Variants in TTC23 observed in about 807,000 individuals in gnomAD.
The protein encoded by TTC23 is tetratricopeptide repeat protein 23.
Under a neutral mutation model 55.1 loss-of-function variants are expected in TTC23, and 58 were observed. That is an observed-to-expected ratio of 1.05 (90% confidence interval 0.85 to 1.31). The LOEUF (loss-of-function observed/expected upper bound fraction) is 1.31, where lower values mean the gene tolerates loss of function less well. TTC23 is among the 50% of genes most tolerant of loss of function. The pLI is 0.00. For synonymous variants in TTC23, 203 were observed against 199.9 expected (o/e 1.02, Z -0.13); for missense variants, 516 against 534.4 (o/e 0.97, Z 0.34).
intron 4 of TTC23, among the ~76,000 whole-genome samples, chr15:99,232,538 C>T (rs1037988064): frequency 2.6e-5 from 4 of 151,528 alleles, no homozygotes; most frequent in African/African-American, 9.7e-5. Flanking sequence ...ATACAAATGC[C>T]CAATAGGTGT....
chr15:99,201,286 C>T (rs1458393603), intron 8 of TTC23, among the ~76,000 whole-genome samples: 1 of 152,106 alleles, frequency 6.6e-6, no homozygotes, highest in Admixed American at 6.6e-5. Flanking sequence ...TTTCAGCAAA[C>T]ACAGCACATA....
chr15:99,146,909 G>C (rs1251121363), intron 12 of TTC23, among the ~76,000 whole-genome samples: 1 of 152,206 alleles, frequency 6.6e-6, no homozygotes, highest in African/African-American at 2.4e-5. Context: ...GGCAAGGGGG[G>C]CTCCACATTC....
Position 99,218,721 on chromosome 15 carries a change from G to A in TTC23, c.456-8C>T, listed in dbSNP as rs2077666579. 16 of 1,613,640 alleles carry A rather than the reference G, an allele frequency of 9.9e-6. No individual in the cohort carries two copies. Among genetic ancestry groups the A allele is most frequent in the Non-Finnish European group, 1.3e-5 (15 of 1,179,976 alleles). ...TCTGCAGCTTCCTTAAATCTGAATT[G>A]TGTTCAGGAAATTTTCCACTTGGTT... On this transcript the variant is annotated splice_polypyrimidine_tract_variant and splice_region_variant and intron_variant, in intron 7 of 13. Transcript: ENST00000394132.
At chr15:99,144,743 T>G (rs1402521490) in intron 12 of TTC23, 1 of 152,198 alleles carries the variant, frequency 6.6e-6, no homozygotes, top group Non-Finnish European at 1.5e-5. Flanking sequence ...TTACTTGTAT[T>G]TTGTACTTAC....
chr15:99,140,330 A>T (rs2068081031), intron 12 of TTC23: 1 of 152,212 alleles, frequency 6.6e-6, no homozygotes, highest in Non-Finnish European at 1.5e-5. Flanking sequence ...TAAGTGTGAA[A>T]TGCAAAACTT....
chr15:99,203,703 TCTTTTTTTTTTA>T (rs1470768309), intron 8 of TTC23, among the ~76,000 whole-genome samples: 10 of 151,820 alleles, frequency 6.6e-5, no homozygotes, highest in African/African-American at 1.2e-4. Flanking sequence ...TTTTTTTCTT[TCTTTTTTTTTTA>T]AATCTTTTTA....
At chr15:99,227,357 A>C (rs2078538227) in intron 5 of TTC23, among the ~76,000 whole-genome samples, 1 of 152,058 alleles carries the variant, frequency 6.6e-6, no homozygotes, top group Admixed American at 6.5e-5. Context: ...ACTGATTTGC[A>C]TTTCTAAATT....
intron 9 of TTC23, among the ~76,000 whole-genome samples, chr15:99,175,707 G>A (rs1415004426): frequency 6.6e-6 from 1 of 152,228 alleles, no homozygotes; most frequent in Non-Finnish European, 1.5e-5. Context: ...CCACTAAAAT[G>A]TTGTTGCCCA....
intron 8 of TTC23, among the ~76,000 whole-genome samples, chr15:99,207,421 A>G (rs182514327): frequency 3.3e-5 from 5 of 152,340 alleles, no homozygotes; most frequent in African/African-American, 1.2e-4. Context: ...TCTAGCAAAC[A>G]TATAAAAAGA....
intron 4 of TTC23, among the ~76,000 whole-genome samples, chr15:99,232,475 T>G: frequency 6.9e-6 from 1 of 144,542 alleles, no homozygotes; most frequent in African/African-American, 2.6e-5. Flanking sequence ...TGAGACTCCA[T>G]CTCAAAAAAA....
chr15:99,218,387 C>A (rs1332389364), intron 8 of TTC23, among the ~76,000 whole-genome samples: 1 of 152,154 alleles, frequency 6.6e-6, no homozygotes, highest in Admixed American at 6.5e-5. Flanking sequence ...GGGCACTCCA[C>A]AGAGAGTGAA....
Position 99,169,082 on chromosome 15 carries a change from C to T in TTC23, c.865+5968G>A, listed in dbSNP as rs559857681. Among the ~76,000 whole-genome samples the T allele has an allele frequency of 4.6e-5, 7 of 152,338 alleles. No homozygotes were observed. The South Asian group carries it at 1.2e-3, about 27-fold the overall frequency. ...GAGTATGGGGCATCTCTTTCCTTCT[C>T]TGGGCCTCAGCCTCACTCCACTGCA... On this transcript the variant is annotated intron_variant, in intron 10 of 13. Transcript: ENST00000394132.
intron 12 of TTC23, among the ~76,000 whole-genome samples, chr15:99,146,454 C>G (rs905281124): frequency 6.6e-6 from 1 of 152,230 alleles, no homozygotes; most frequent in Non-Finnish European, 1.5e-5. Context: ...TAAAGTTACA[C>G]TAGATTTATG....
At chr15:99,158,928 C>G (rs1596315466) in intron 11 of TTC23, 1 of 152,414 alleles carries the variant, frequency 6.6e-6, no homozygotes, top group East Asian at 1.9e-4. Context: ...TGGTGCCACA[C>G]ACAAGGGTGC....
intron 3 of TTC23, among the ~76,000 whole-genome samples, chr15:99,235,472 G>A (rs1021785776): frequency 1.3e-5 from 2 of 151,640 alleles, no homozygotes; most frequent in East Asian, 3.9e-4. Context: ...CTGGGTTCAA[G>A]CGATTCCCCT....
chr15:99,146,308 C>G (rs1395612763), intron 12 of TTC23, among the ~76,000 whole-genome samples: 1 of 152,220 alleles, frequency 6.6e-6, no homozygotes, highest in Non-Finnish European at 1.5e-5. Flanking sequence ...GATGCAGACT[C>G]CTAAAGCTGG....
chr15:99,172,719 G>A (rs1301356557), intron 10 of TTC23, among the ~76,000 whole-genome samples: 2 of 152,182 alleles, frequency 1.3e-5, no homozygotes, highest in Non-Finnish European at 2.9e-5. Context: ...GTAGTGTGGT[G>A]AGAACCATTG....
At chr15:99,214,852 C>CTTTT (rs777804106) in intron 8 of TTC23, among the ~76,000 whole-genome samples, 24 of 99,872 alleles carry the variant, frequency 2.4e-4, no homozygotes, top group Non-Finnish European at 3.6e-4. Context: ...TTCTTTTCTC[C>CTTTT]TTTTTTTTTT....
chr15:99,159,008 G>A (rs553141883), intron 11 of TTC23: 2 of 152,458 alleles, frequency 1.3e-5, no homozygotes, highest in African/African-American at 4.8e-5. Context: ...ATCTACCTGA[G>A]GAAGGGGCAG....
Sources: allele counts gnomAD v4.1 joint callset (sites outside exome capture counted in the v4.1 genomes callset), GRCh38; gene constraint gnomAD v4.1.1; transcripts MANE v1.5; gene names NCBI Gene and HGNC (gene_info 2026-07-23, HGNC 2026-07-21).